DAAM1: variants seen among roughly 807,000 people sequenced by gnomAD.
DAAM1 encodes dishevelled associated activator of morphogenesis 1, also known as disheveled-associated activator of morphogenesis 1.
In DAAM1, 52 loss-of-function variants were observed where a neutral mutation model predicts 130.0. That is an observed-to-expected ratio of 0.40 (90% confidence interval 0.32 to 0.50). The LOEUF is 0.50. DAAM1 is among the 20% of genes least tolerant of loss of function. The pLI is 0.61. For synonymous variants in DAAM1, 452 were observed against 444.5 expected, an observed-to-expected ratio of 1.02 and a Z score of -0.21; for missense variants, 1,134 against 1,303.8, an observed-to-expected ratio of 0.87 and a Z score of 2.01.
intron 17 of DAAM1, among the ~76,000 whole-genome samples, chr14:59,348,699 A>G (rs1300824592): frequency 6.6e-6 from 1 of 152,198 alleles, no homozygotes; most frequent in African/African-American, 2.4e-5. Flanking sequence ...TGTTGTTAAC[A>G]GTAATCCTGA....
At chr14:59,221,365 G>A (rs1888766255) in intron 1 of DAAM1, among the ~76,000 whole-genome samples, 2 of 152,162 alleles carry the variant, frequency 1.3e-5, no homozygotes, top group Admixed American at 6.5e-5. Flanking sequence ...TAACAAAATA[G>A]GGAGGAAATA....
intron 12 of DAAM1, among the ~76,000 whole-genome samples, chr14:59,327,398 G>GTTTTTTTTTTTTTTTT (rs1338982717): frequency 6.9e-5 from 5 of 72,764 alleles, no homozygotes; most frequent in African/African-American, 3.7e-4. Context: ...AGGTCACTTG[G>GTTTTTTTTTTTTTTTT]TTTCTTTTTT....
At chr14:59,331,587 CCT>C in intron 14 of DAAM1, 79 bp downstream of exon 14, 1 of 1,513,152 alleles carries the variant, frequency 6.6e-7, no homozygotes, top group Non-Finnish European at 8.8e-7. Flanking sequence ...GGAAAACAGC[CCT>C]GGCTGTTAAA....
intron 1 of DAAM1, among the ~76,000 whole-genome samples, chr14:59,215,818 C>T (rs151223214): frequency 2.6e-5 from 4 of 152,256 alleles, no homozygotes; most frequent in South Asian, 4.2e-4. Flanking sequence ...AGTGCCTTCT[C>T]GCTACAATTG....
At chr14:59,327,053 T>A in intron 12 of DAAM1, 62 bp downstream of exon 12, 1 of 1,574,486 alleles carries the variant, frequency 6.4e-7, no homozygotes, top group Admixed American at 1.7e-5. Flanking sequence ...TTGATTTCCA[T>A]ATATTTTGGA....
At chr14:59,339,117 G>A (rs1214001022) in intron 15 of DAAM1, among the ~76,000 whole-genome samples, 1 of 152,174 alleles carries the variant, frequency 6.6e-6, no homozygotes, top group East Asian at 1.9e-4. Context: ...AGACTTTAGA[G>A]GTACTACTTT....
chr14:59,197,237 A>G lies in DAAM1; in HGVS notation c.-38+8469A>G, dbSNP rs894337427. Among the ~76,000 whole-genome samples, 8 of 152,304 alleles carry G rather than the reference A, an allele frequency of 5.3e-5. No individual in the cohort carries two copies. In the East Asian group the frequency reaches 1.5e-3, roughly 29 times the overall value. On this transcript the variant is annotated intron_variant, in intron 1 of 24. Transcript: ENST00000360909. ...GGGAATTATTTTTTCAAATGCAACT[A>G]CAGTTAACTCATTATTAGTGGCTGC...
intron 4 of DAAM1, among the ~76,000 whole-genome samples, chr14:59,319,597 G>T (rs1241195085): frequency 6.6e-6 from 1 of 152,184 alleles, no homozygotes; most frequent in East Asian, 1.9e-4. Context: ...ATGAAGAAAA[G>T]GGACCAGGAG....
intron 4 of DAAM1, among the ~76,000 whole-genome samples, chr14:59,315,869 G>A (rs1437930548): frequency 2.0e-5 from 3 of 152,108 alleles, no homozygotes; most frequent in Admixed American, 6.6e-5. Context: ...TAATGAAAAG[G>A]CGTCATAATA....
At position 59,324,194 on chromosome 14, in the gene DAAM1, A is replaced by G; in HGVS notation, c.841A>G (p.Ile281Val). 6.8e-7 allele frequency: 1 copy of G among 1,465,420 alleles called. No individual in the cohort carries two copies. Among genetic ancestry groups the G allele is most frequent in the South Asian group, 1.7e-5 (1 of 60,198 alleles). 90.8% of individuals were successfully genotyped at this position (1,465,420 alleles called of 1,614,324 possible). ...AGATGAAGTGAGTCTCAAGACTGCC[A>G]TCATGTCCTTCATTAATGCAGTGCT... ...YRDEVSLKTAIMSFINAVLSQ... is the reference protein window; with the variant it reads ...YRDEVSLKTAVMSFINAVLSQ... Residue 281 changes from isoleucine (I) to valine (V), a missense_variant, in exon 7 of 25, where the codon ATC becomes GTC. Ile to Val is a conservative substitution (Grantham distance 29). Around this residue, in one of 3 missense-constraint regions of DAAM1, gnomAD observed 391 missense variants for 521.6 expected, o/e 0.75. Transcript: ENST00000360909.
intron 1 of DAAM1, among the ~76,000 whole-genome samples, chr14:59,259,547 G>A (rs538021533): frequency 6.6e-6 from 1 of 152,258 alleles, no homozygotes; most frequent in East Asian, 1.9e-4. Flanking sequence ...TACAGACCTT[G>A]TCAGTAGTCC....
chr14:59,202,570 G>T (rs1387183935), intron 1 of DAAM1, among the ~76,000 whole-genome samples: 1 of 152,194 alleles, frequency 6.6e-6, no homozygotes, highest in African/African-American at 2.4e-5. Context: ...AATGCTGTAT[G>T]TTCTTAGAGA....
At chr14:59,234,609 AC>A (rs1389347240) in intron 1 of DAAM1, among the ~76,000 whole-genome samples, 2 of 152,002 alleles carry the variant, frequency 1.3e-5, no homozygotes, top group African/African-American at 4.8e-5. Context: ...CTATTTGAAT[AC>A]CCTTTATTTC....
At chr14:59,363,287 T>A in intron 22 of DAAM1, 3 of 177,874 alleles carry the variant, frequency 1.7e-5, no homozygotes, top group South Asian at 1.2e-4. Context: ...ACAAGCAGAG[T>A]CTCTTGTTTT....
chr14:59,266,451 C>T (rs981956762), intron 2 of DAAM1, among the ~76,000 whole-genome samples: 28 of 152,172 alleles, frequency 1.8e-4, no homozygotes, highest in Non-Finnish European at 1.5e-4. Flanking sequence ...GCTCATTGTT[C>T]TGTATTCATA....
chr14:59,279,384 A>G (rs1344883842), intron 2 of DAAM1, among the ~76,000 whole-genome samples: 1 of 152,200 alleles, frequency 6.6e-6, no homozygotes, highest in African/African-American at 2.4e-5. Flanking sequence ...ATCTCCTGAA[A>G]TGTTACCTTG....
rs562402779 is a variant in DAAM1 at position 59,272,059 on chromosome 14, G to A, written c.183+8399G>A. On this transcript the variant is annotated intron_variant, in intron 2 of 24. Transcript: ENST00000360909. ...GCTCTGTAGTTACACAGAGAAAATCGGACTGTATAAGACTTCAAAGATACA... is the reference window on the plus strand; with the variant it reads ...GCTCTGTAGTTACACAGAGAAAATCAGACTGTATAAGACTTCAAAGATACA... Among the ~76,000 whole-genome samples the A allele has an allele frequency of 4.6e-5, 7 of 152,080 alleles. No individual in the cohort carries two copies. The East Asian group carries it at 7.7e-4, about 17-fold the overall frequency.
At chr14:59,316,610 A>G (rs1290751302) in intron 4 of DAAM1, among the ~76,000 whole-genome samples, 1 of 152,236 alleles carries the variant, frequency 6.6e-6, no homozygotes, top group African/African-American at 2.4e-5. Context: ...AATGCCAAAG[A>G]TGAGAAAAGG....
At position 59,368,879 on chromosome 14, in the gene DAAM1, T is replaced by C; in HGVS notation, c.*20T>C. 3.1e-6 allele frequency: 5 copies of C among 1,610,162 alleles called. No individual in the cohort carries two copies. The highest frequency in any genetic ancestry group is 4.2e-6 in the Non-Finnish European group (5 of 1,177,586). Reference sequence around the variant, plus strand: ...TTCTAATTTTCCATGAATACTTTTTTTTAGAAAGCTCATTAGCAGCCCTCT... The same window carrying C: ...TTCTAATTTTCCATGAATACTTTTTCTTAGAAAGCTCATTAGCAGCCCTCT... On this transcript the variant is annotated 3_prime_UTR_variant, in exon 25 of 25. Coordinates refer to ENST00000360909, the MANE Select transcript of DAAM1 (RefSeq NM_001270520.2).
Sources: gnomAD v4.1 joint callset for allele counts (sites outside exome capture counted in the v4.1 genomes callset) on GRCh38, gnomAD v4.1.1 for gene constraint, gnomAD v4.1.1 regional missense constraint, MANE v1.5 for transcripts, NCBI Gene and HGNC (gene_info 2026-07-23, HGNC 2026-07-21) for gene names.